AGBL4: variants seen among roughly 807,000 people sequenced by gnomAD.
AGBL4 encodes AGBL carboxypeptidase 4.
AGBL4 carries 58 observed loss-of-function variants against 66.4 expected under a neutral mutation model. The ratio of observed to expected loss-of-function variants is 0.87; its 90% CI spans 0.71 to 1.09. The LOEUF is 1.09. Ranked by LOEUF, AGBL4 falls within the 50% of genes least tolerant of loss-of-function variation. The pLI is 0.00. For missense variants in AGBL4, 579 were observed against 631.0 expected, an observed-to-expected ratio of 0.92 and a Z score of 0.88; for synonymous variants, 234 against 222.9, an observed-to-expected ratio of 1.05 and a Z score of -0.44.
At chr1:49,747,386 A>G (rs1159998322) in intron 2 of AGBL4, among the ~76,000 whole-genome samples, 2 of 152,140 alleles carry the variant, frequency 1.3e-5, no homozygotes. Flanking sequence ...AAATTTCCTG[A>G]CATTACCTAT....
At chr1:49,699,858 T>C (rs1194518842) in intron 2 of AGBL4, among the ~76,000 whole-genome samples, 1 of 151,912 alleles carries the variant, frequency 6.6e-6, no homozygotes, top group Non-Finnish European at 1.5e-5. Flanking sequence ...TTATATATCA[T>C]ACTGGAAATG....
chr1:49,640,599 G>A (rs1004138189), intron 3 of AGBL4, among the ~76,000 whole-genome samples: 2 of 152,112 alleles, frequency 1.3e-5, no homozygotes, highest in African/African-American at 4.8e-5. Flanking sequence ...TGGAAAAGCC[G>A]TCTGCGCTAG....
At chr1:49,073,216 G>A (rs1557617518) in intron 4 of AGBL4, among the ~76,000 whole-genome samples, 1 of 152,066 alleles carries the variant, frequency 6.6e-6, no homozygotes, top group Non-Finnish European at 1.5e-5. Flanking sequence ...GGAGGAGTTT[G>A]TTATTACCCA....
At chr1:49,911,105 T>C (rs1650780025) in intron 1 of AGBL4, among the ~76,000 whole-genome samples, 1 of 152,204 alleles carries the variant, frequency 6.6e-6, no homozygotes, top group Non-Finnish European at 1.5e-5. Context: ...ATTTTGCTGA[T>C]GATAAACCAT....
At chr1:49,375,433 A>G (rs544096863) in intron 3 of AGBL4, among the ~76,000 whole-genome samples, 1 of 152,128 alleles carries the variant, frequency 6.6e-6, no homozygotes, top group East Asian at 1.9e-4. Flanking sequence ...ACCTTTACCA[A>G]CCTTGAAAGA....
chr1:49,828,305 G>C (rs1263507982), intron 2 of AGBL4, among the ~76,000 whole-genome samples: 1 of 152,124 alleles, frequency 6.6e-6, no homozygotes, highest in Non-Finnish European at 1.5e-5. Flanking sequence ...AAATAAAAAA[G>C]CAAGTAGCAT....
At chr1:49,229,051 T>C (rs570364230) in intron 4 of AGBL4, among the ~76,000 whole-genome samples, 1 of 152,274 alleles carries the variant, frequency 6.6e-6, no homozygotes, top group Non-Finnish European at 1.5e-5. Context: ...GCCTTTGCAA[T>C]ACCCTTCCCG....
At chr1:49,563,867 T>A (rs1644120860) in intron 3 of AGBL4, among the ~76,000 whole-genome samples, 1 of 152,182 alleles carries the variant, frequency 6.6e-6, no homozygotes, top group South Asian at 2.1e-4. Flanking sequence ...TTGATTGGAA[T>A]AGTTTCAGAA....
At chr1:48,669,555 C>A (rs1484407) in intron 6 of AGBL4, among the ~76,000 whole-genome samples, 1 of 152,168 alleles carries the variant, frequency 6.6e-6, no homozygotes, top group African/African-American at 2.4e-5. Context: ...AACCACTCTC[C>A]TACAAGAATA....
chr1:48,716,225 GA>G (rs1211229557), intron 6 of AGBL4, among the ~76,000 whole-genome samples: 2 of 152,156 alleles, frequency 1.3e-5, no homozygotes, highest in Non-Finnish European at 2.9e-5. Flanking sequence ...TACGAGGAGG[GA>G]AACGCATCAT....
chr1:49,492,793 G>A (rs1647224836), intron 3 of AGBL4, among the ~76,000 whole-genome samples: 1 of 151,900 alleles, frequency 6.6e-6, no homozygotes, highest in Admixed American at 6.6e-5. Flanking sequence ...TGTCATGGAA[G>A]GTTAGAAGAG....
chr1:49,241,703 G>A (rs1651251728), intron 4 of AGBL4, among the ~76,000 whole-genome samples: 1 of 151,938 alleles, frequency 6.6e-6, no homozygotes. Context: ...AGCAGAAGGA[G>A]GGAAGAAAGA....
intron 3 of AGBL4, among the ~76,000 whole-genome samples, chr1:49,416,758 A>G (rs1645434114): frequency 6.6e-6 from 1 of 152,132 alleles, no homozygotes; most frequent in Non-Finnish European, 1.5e-5. Flanking sequence ...TGTATATATT[A>G]GTTAATACAG....
intron 1 of AGBL4, among the ~76,000 whole-genome samples, chr1:49,869,700 CGTTTACCTACATAA>C (rs1646792561): frequency 1.3e-5 from 2 of 152,012 alleles, no homozygotes; most frequent in Non-Finnish European, 2.9e-5. Flanking sequence ...CCATGGCACA[CGTTTACCTACATAA>C]CAAACCCGCA....
At chr1:49,787,464 C>G (rs1476911256) in intron 2 of AGBL4, among the ~76,000 whole-genome samples, 1 of 149,852 alleles carries the variant, frequency 6.7e-6, no homozygotes, top group Non-Finnish European at 1.5e-5. Context: ...GATCAAGCCA[C>G]TGCACTCCAG....
chr1:49,116,856 A>G (rs1013757551), intron 4 of AGBL4, among the ~76,000 whole-genome samples: 2 of 152,218 alleles, frequency 1.3e-5, no homozygotes, highest in Middle Eastern at 3.4e-3. Context: ...AAGCACTTCT[A>G]TTTCTCCACA....
At chr1:49,091,745 C>T (rs1054073699) in intron 4 of AGBL4, among the ~76,000 whole-genome samples, 9 of 152,034 alleles carry the variant, frequency 5.9e-5, no homozygotes, top group African/African-American at 9.7e-5. Flanking sequence ...TTTATCTCAG[C>T]GCTATTCACA....
At position 48,586,877 on chromosome 1, in the gene AGBL4, G is replaced by A. The variant is rs775020218; in HGVS notation, c.1267+127C>T. On this transcript the variant is annotated intron_variant, in intron 11 of 13. Transcript: ENST00000371839. ...TCCAAAGACGCCACCAGAAGAAGAA[G>A]CACCTCCATCCTCACCTGAGAGTCT... is the stretch of plus-strand genomic sequence containing the variant. The A allele has an allele frequency of 2.4e-5, 30 of 1,226,278 alleles. No homozygotes were observed. The African/African-American group carries it at 4.2e-4, about 17-fold the overall frequency. The allele number at this position is 1,226,278 out of a possible 1,614,324, so 76.0% of individuals were successfully genotyped here.
At chr1:49,667,069 A>G (rs534131694) in intron 3 of AGBL4, among the ~76,000 whole-genome samples, 1 of 152,288 alleles carries the variant, frequency 6.6e-6, no homozygotes, top group Admixed American at 6.5e-5. Context: ...TCAAAACAAG[A>G]AGATAGTTGT....
Sources: allele counts gnomAD v4.1 joint callset (sites outside exome capture counted in the v4.1 genomes callset), GRCh38; gene constraint gnomAD v4.1.1; transcripts MANE v1.5; gene names NCBI Gene and HGNC (gene_info 2026-07-23, HGNC 2026-07-21).